The following OLA1 variants were observed in gnomAD, a reference collection of about 807,000 sequenced individuals.
The protein encoded by OLA1 is obg-like ATPase 1.
OLA1 carries 14 observed loss-of-function variants against 48.4 expected under a neutral mutation model. The observed-to-expected ratio is 0.29, with a 90% CI of 0.19 to 0.45. The LOEUF (loss-of-function observed/expected upper bound fraction) is 0.45, where lower values mean the gene tolerates loss of function less well. Ranked by LOEUF, OLA1 falls within the 20% of genes least tolerant of loss-of-function variation. The pLI, the probability that OLA1 is intolerant of heterozygous loss-of-function variation, is 1.00. For missense variants in OLA1, 325 were observed against 467.1 expected, an observed-to-expected ratio of 0.70 and a Z score of 2.80; for synonymous variants, 127 against 150.4, an observed-to-expected ratio of 0.84 and a Z score of 1.14.
At chr2:174,132,279 T>C (rs1686201198) in intron 5 of OLA1, among the ~76,000 whole-genome samples, 1 of 152,062 alleles carries the variant, frequency 6.6e-6, no homozygotes, top group African/African-American at 2.4e-5. Flanking sequence ...ATTTTACTAG[T>C]GTTTTCAAAC....
chr2:174,091,229 A>G (rs1685105417), intron 7 of OLA1, among the ~76,000 whole-genome samples: 1 of 152,236 alleles, frequency 6.6e-6, no homozygotes. Flanking sequence ...CTAGATAAGT[A>G]GTTTTCAACC....
chr2:174,078,449 A>T (rs1035950762), intron 10 of OLA1, among the ~76,000 whole-genome samples: 26 of 151,954 alleles, frequency 1.7e-4, no homozygotes, highest in African/African-American at 6.0e-4. Context: ...AATTATCCTT[A>T]TTAGCTAAAA....
At chr2:174,155,310 G>A (rs999981893) in intron 4 of OLA1, among the ~76,000 whole-genome samples, 4 of 152,120 alleles carry the variant, frequency 2.6e-5, no homozygotes, top group Admixed American at 6.6e-5. Context: ...ATGAAAGAAC[G>A]CCTCAAGCAG....
At chr2:174,188,403 G>A (rs180726273) in intron 4 of OLA1, among the ~76,000 whole-genome samples, 14 of 148,562 alleles carry the variant, frequency 9.4e-5, no homozygotes, top group East Asian at 2.1e-4. Flanking sequence ...AATAAATACC[G>A]TATACAGTAA....
intron 7 of OLA1, among the ~76,000 whole-genome samples, chr2:174,114,139 T>TA (rs1329042340): frequency 1.1e-3 from 133 of 120,490 alleles, no homozygotes; most frequent in African/African-American, 4.1e-3. Context: ...CCATCCTGGC[T>TA]AACACGGTGA....
chr2:174,193,091 C>CTTT (rs34103927), intron 4 of OLA1, among the ~76,000 whole-genome samples: 3 of 137,926 alleles, frequency 2.2e-5, no homozygotes, highest in Non-Finnish European at 4.6e-5. Flanking sequence ...TTCTTTCTTT[C>CTTT]TTTTTTTTTT....
In OLA1 at chr2:174,079,233, A is replaced by AT. The variant is rs1389279284; in HGVS notation, c.967-144dup. The AT allele has an allele frequency of 8.6e-6, 5 of 579,972 alleles. No individual in the cohort carries two copies. In the African/African-American group the frequency reaches 9.6e-5, roughly 11 times the overall value. The allele number at this position is 579,972 out of a possible 1,614,324, so 35.9% of individuals were successfully genotyped here. A position where few individuals can be genotyped will look rare whatever the true frequency, so the allele number is the denominator to read the frequency against. On this transcript the variant is annotated intron_variant, in intron 9 of 10. Coordinates refer to ENST00000284719, the MANE Select transcript of OLA1 (RefSeq NM_013341.5). Reference sequence around the variant, plus strand: ...AAGATGTCAGGTATATAATTAGTACATTTTCAACACTGGGTAGTATCTGTG... The same window carrying AT: ...AAGATGTCAGGTATATAATTAGTACATTTTTCAACACTGGGTAGTATCTGTG...
At chr2:174,091,382 C>T (rs911642615) in intron 7 of OLA1, among the ~76,000 whole-genome samples, 2 of 151,834 alleles carry the variant, frequency 1.3e-5, no homozygotes, top group African/African-American at 4.8e-5. Flanking sequence ...TGATGGGTTT[C>T]TGCATAAGAT....
intron 4 of OLA1, among the ~76,000 whole-genome samples, chr2:174,155,912 C>T (rs1686866303): frequency 6.6e-6 from 1 of 152,100 alleles, no homozygotes; most frequent in Non-Finnish European, 1.5e-5. Context: ...TGATTAAGGG[C>T]ACATACTCTG....
At chr2:174,212,795 C>T (rs892710274) in intron 4 of OLA1, among the ~76,000 whole-genome samples, 17 of 152,150 alleles carry the variant, frequency 1.1e-4, no homozygotes, top group Admixed American at 1.0e-3. Flanking sequence ...TGTCTTCCAC[C>T]TCCACATCTT....
chr2:174,247,945 T>C, intron 1 of OLA1: 1 of 780,722 alleles, frequency 1.3e-6, no homozygotes, highest in Non-Finnish European at 2.0e-6. Flanking sequence ...GAACTAAAAC[T>C]GTCCCAGTCT....
chr2:174,156,669 C>T (rs1297325481), intron 4 of OLA1, among the ~76,000 whole-genome samples: 2 of 150,844 alleles, frequency 1.3e-5, no homozygotes, highest in African/African-American at 4.9e-5. Flanking sequence ...ACTGCAACCC[C>T]CACCTACCGT....
chr2:174,158,821 G>A (rs1015611407), intron 4 of OLA1, among the ~76,000 whole-genome samples: 10 of 152,096 alleles, frequency 6.6e-5, no homozygotes, highest in South Asian at 4.1e-4. Flanking sequence ...AAATCAGAAC[G>A]AAAAAACTAT....
chr2:174,225,594 C>A (rs984578300), intron 3 of OLA1, among the ~76,000 whole-genome samples: 2 of 152,206 alleles, frequency 1.3e-5, no homozygotes, highest in African/African-American at 4.8e-5. Flanking sequence ...CAAACAGATG[C>A]TGGTGCTGTG....
chr2:174,081,385 G>T (rs12466894), intron 8 of OLA1, 137 bp from the exon 9 acceptor site: 176,427 of 626,844 alleles, frequency 0.28, 34,309 homozygotes, highest in East Asian at 0.89. Context: ...AGAATACACT[G>T]GAAGGGTTCA....
chr2:174,090,925 C>A (rs963408889), intron 7 of OLA1, among the ~76,000 whole-genome samples: 6 of 152,232 alleles, frequency 3.9e-5, no homozygotes. Context: ...CTTCCCTGAA[C>A]TCCCATGTGG....
intron 2 of OLA1, among the ~76,000 whole-genome samples, chr2:174,237,944 G>GT (rs1281950284): frequency 2.6e-5 from 4 of 152,120 alleles, no homozygotes; most frequent in African/African-American, 9.7e-5. Context: ...CACAACTACA[G>GT]TATCACCAGG....
chr2:174,143,256 A>G (rs776348380), intron 4 of OLA1, among the ~76,000 whole-genome samples: 6 of 152,228 alleles, frequency 3.9e-5, no homozygotes, highest in Non-Finnish European at 5.9e-5. Flanking sequence ...TGTCAAATTC[A>G]TATGAGCAAA....
intron 5 of OLA1, among the ~76,000 whole-genome samples, chr2:174,126,274 A>G (rs944264811): frequency 6.6e-6 from 1 of 152,122 alleles, no homozygotes; most frequent in African/African-American, 2.4e-5. Context: ...ATATAAATAC[A>G]TATATAAATA....
Sources: gnomAD v4.1 joint callset for allele counts (sites outside exome capture counted in the v4.1 genomes callset) on GRCh38, gnomAD v4.1.1 for gene constraint, MANE v1.5 for transcripts, NCBI Gene and HGNC (gene_info 2026-07-23, HGNC 2026-07-21) for gene names.